The following IDH3G variants were observed in gnomAD, a reference collection of about 807,000 sequenced individuals.
IDH3G encodes the protein isocitrate dehydrogenase (NAD(+)) 3 non-catalytic subunit gamma.
IDH3G carries 9 observed loss-of-function variants against 26.9 expected under a neutral mutation model. The ratio of observed to expected loss-of-function variants is 0.34; its 90% CI spans 0.20 to 0.58. IDH3G has a LOEUF of 0.58. Among genes scored for constraint, IDH3G ranks in the 20% least tolerant of loss-of-function variants. The pLI, the probability that IDH3G is intolerant of heterozygous loss-of-function variation, is 0.85. For missense variants in IDH3G, 250 were observed against 372.8 expected, an observed-to-expected ratio of 0.67 and a Z score of 2.71; for synonymous variants, 181 against 160.0, an observed-to-expected ratio of 1.13 and a Z score of -0.99.
At position 153,786,222 on chromosome X, in the gene IDH3G, T is replaced by C; in HGVS notation, c.1070A>G (p.Asp357Gly). ...SIRKAVLASMDNENMHTPDIG... is the reference protein window; with the variant it reads ...SIRKAVLASMGNENMHTPDIG... The stretch of plus-strand genomic sequence containing the variant: ...CGAGGGGAACCTCACATTCTCATTG[T>C]CCATGGATGCCAGGACAGCCTTACG... The change falls in exon 12 of 13, where the codon GAC becomes GGC. Residue 357 changes from aspartate (D) to glycine (G), a missense_variant. Asp to Gly is a moderately conservative substitution (Grantham distance 94). Coordinates refer to ENST00000217901, the MANE Select transcript of IDH3G (RefSeq NM_004135.4). 1 of 1,209,089 alleles carries C rather than the reference T, an allele frequency of 8.3e-7. No homozygotes were observed. Among genetic ancestry groups the C allele is most frequent in the South Asian group, 1.8e-5 (1 of 56,721 alleles).
At chrX:153,786,069 G>A in intron 12 of IDH3G, 96 bp from the exon 13 acceptor site, 1 of 1,203,349 alleles carries the variant, frequency 8.3e-7, no homozygotes. Flanking sequence ...GGAGGGAAGT[G>A]GCACCAGCTA....
Position 153,786,196 on chromosome X carries a change from G to T in IDH3G, c.1080+16C>A. Reference sequence around the variant, plus strand: ...ACTGGGCGGGGCAGCAGGGTAGGGTGCGAGGGGAACCTCACATTCTCATTG... The same window carrying T: ...ACTGGGCGGGGCAGCAGGGTAGGGTTCGAGGGGAACCTCACATTCTCATTG... On this transcript the variant is annotated intron_variant, in intron 12 of 12. Transcript: ENST00000217901. 1 of 1,208,835 alleles carries T rather than the reference G, an allele frequency of 8.3e-7. No individual in the cohort carries two copies. Among genetic ancestry groups the T allele is most frequent in the Non-Finnish European group, 1.1e-6 (1 of 893,368 alleles).
Position 153,786,301 on chromosome X carries a change from C to T in IDH3G, c.1020-29G>A, listed in dbSNP as rs192900673. ...GAGGATGGGACAGCCAGCCTTCAGT[C>T]CCTGGGGCCCGGAGGGCTGGCCAGG... On this transcript the variant is annotated intron_variant, in intron 11 of 12. Coordinates refer to ENST00000217901, the MANE Select transcript of IDH3G (RefSeq NM_004135.4). 93 of 1,202,348 alleles carry T rather than the reference C, an allele frequency of 7.7e-5. No homozygotes were observed. In the African/African-American group the frequency reaches 1.4e-3, roughly 18 times the overall value.
intron 4 of IDH3G, 22 bp downstream of exon 4, chrX:153,790,173 C>T (rs997065627): frequency 1.1e-5 from 13 of 1,163,634 alleles, no homozygotes; most frequent in African/African-American, 3.5e-5. Flanking sequence ...GAGGACAAGG[C>T]GGGGACCCAG....
At chrX:153,786,981 G>A (rs782612831) in intron 9 of IDH3G, 34 bp from the exon 10 acceptor site, 3 of 1,203,383 alleles carry the variant, frequency 2.5e-6, no homozygotes, top group African/African-American at 1.7e-5. Flanking sequence ...CTGAGGAGCA[G>A]ATTCGGAAGC....
intron 12 of IDH3G, 44 bp downstream of exon 12, chrX:153,786,168 G>A: frequency 8.3e-7 from 1 of 1,206,254 alleles, no homozygotes. Context: ...GCTGCAGGGG[G>A]AGACTGGGCG....
chrX:153,787,012 G>A lies in IDH3G; in HGVS notation c.777+39C>T, dbSNP rs375296509. The A allele has an allele frequency of 6.8e-4, 805 of 1,191,076 alleles. 2 individuals carry two copies. Among genetic ancestry groups the A allele is most frequent in the Middle Eastern group, 4.9e-3 (21 of 4,285 alleles). On this transcript the variant is annotated intron_variant, in intron 9 of 12. Transcript: ENST00000217901. ...GAAGCATGGGTGAGAGAAGCCCAGG[G>A]CACTCAGGGCAGGGGGACAGCACTG...
At chrX:153,790,949 C>A in intron 1 of IDH3G, 98 bp from the exon 2 acceptor site, 1 of 783,695 alleles carries the variant, frequency 1.3e-6, no homozygotes, top group Non-Finnish European at 1.9e-6. Context: ...CAGGCAGGTC[C>A]CCTGTCTGTG....
At position 153,790,324 on chromosome X, in the gene IDH3G, C is replaced by T. The variant is rs781898768; in HGVS notation, c.136-32G>A. On this transcript the variant is annotated intron_variant, in intron 3 of 12. Transcript: ENST00000217901. ...GAGGCAGAGGGTGAAGGTGGGCCTTCGGGGATCCCACATGCCCCCAGCTCG... is the reference window on the plus strand; with the variant it reads ...GAGGCAGAGGGTGAAGGTGGGCCTTTGGGGATCCCACATGCCCCCAGCTCG... 5.3e-6 allele frequency: 6 copies of T among 1,122,676 alleles called. No homozygotes were observed. In the African/African-American group the frequency reaches 1.1e-4, roughly 20 times the overall value. 92.5% of individuals were successfully genotyped at this position (1,122,676 alleles called of 1,213,427 possible). A position where few individuals can be genotyped will look rare whatever the true frequency, so the allele number is the denominator to read the frequency against.
At chrX:153,793,961 C>A in intron 1 of IDH3G, 1 of 260,432 alleles carries the variant, frequency 3.8e-6, no homozygotes, top group Non-Finnish European at 6.9e-6. Flanking sequence ...CAGAAGGGCT[C>A]CTTCAAGGAC....
intron 10 of IDH3G, among the ~76,000 whole-genome samples, 175 bp from the exon 11 acceptor site, chrX:153,786,624 G>A (rs782707620): frequency 2.7e-5 from 3 of 112,549 alleles, no homozygotes; most frequent in South Asian, 3.6e-4. Flanking sequence ...GGCTTTCCTC[G>A]TGGGGTGGTG....
At chrX:153,790,725 A>AGG (rs1251269162) in intron 2 of IDH3G, 85 bp downstream of exon 2, 3 of 1,097,781 alleles carry the variant, frequency 2.7e-6, no homozygotes, top group African/African-American at 1.8e-5. Flanking sequence ...CACGTCTCAG[A>AGG]GGACAGGACA....
Position 153,785,946 on chromosome X carries a change from C to T in IDH3G, c.1108G>A (p.Gly370Ser). 8.3e-7 allele frequency: 1 copy of T among 1,211,241 alleles called. No individual in the cohort carries two copies. The highest frequency in any genetic ancestry group is 1.1e-6 in the Non-Finnish European group (1 of 895,461). ...TCCTGGATGGCTTCAGATGTTGTGC[C>T]CTGGCCCCCGATGTCCGGAGTGTGC... Reference protein sequence around the residue: ...NMHTPDIGGQGTTSEAIQDVI... With the variant: ...NMHTPDIGGQSTTSEAIQDVI... Residue 370 changes from glycine to serine, a missense_variant, in exon 13 of 13, where the codon GGC (glycine) becomes AGC (serine). This residue lies in a region of IDH3G where 201 missense variants were observed against 331.3 expected (regional missense o/e 0.61). Coordinates refer to ENST00000217901, the MANE Select transcript of IDH3G (RefSeq NM_004135.4).
chrX:153,794,186 G>A lies in IDH3G; in HGVS notation c.81+60C>T, dbSNP rs782216521. ...TCGGACTCCAGACTGCTTCGGGTGCGGCTACCCCACCGCTCCCCTGCGACC... is the reference window on the plus strand; with the variant it reads ...TCGGACTCCAGACTGCTTCGGGTGCAGCTACCCCACCGCTCCCCTGCGACC... On this transcript the variant is annotated intron_variant, in intron 1 of 12. Coordinates refer to ENST00000217901, the MANE Select transcript of IDH3G (RefSeq NM_004135.4). The A allele has an allele frequency of 1.5e-5, 17 of 1,116,460 alleles. No individual in the cohort carries two copies. The Admixed American group carries it at 3.6e-4, about 23-fold the overall frequency. The allele number at this position is 1,116,460 out of a possible 1,213,427, so 92.0% of individuals were successfully genotyped here. A position where few individuals can be genotyped will look rare whatever the true frequency, so the allele number is the denominator to read the frequency against.
At chrX:153,790,753 C>G in intron 2 of IDH3G, 57 bp downstream of exon 2, 1 of 1,141,900 alleles carries the variant, frequency 8.8e-7, no homozygotes, top group Non-Finnish European at 1.2e-6. Context: ...TGCACACACG[C>G]GCACAATTGC....
intron 3 of IDH3G, 133 bp from the exon 4 acceptor site, chrX:153,790,425 A>T (rs2092105074): frequency 2.3e-6 from 2 of 878,572 alleles, no homozygotes; most frequent in Non-Finnish European, 3.3e-6. Flanking sequence ...CAAGGTGCCA[A>T]CTTGGGGCAG....
intron 1 of IDH3G, 69 bp from the exon 2 acceptor site, chrX:153,790,920 G>C: frequency 9.7e-7 from 1 of 1,028,378 alleles, no homozygotes; most frequent in Non-Finnish European, 1.4e-6. Context: ...AAGGAAAAAC[G>C]GACCGTCCCC....
intron 6 of IDH3G, 45 bp from the exon 7 acceptor site, chrX:153,788,000 T>C: frequency 9.1e-6 from 11 of 1,210,186 alleles, no homozygotes; most frequent in Non-Finnish European, 7.8e-6. Flanking sequence ...GACAGGTGGC[T>C]GACTGGAGCC....
intron 5 of IDH3G, among the ~76,000 whole-genome samples, chrX:153,788,831 A>C (rs782272105): frequency 1.8e-5 from 2 of 112,935 alleles, no homozygotes; most frequent in East Asian, 5.6e-4. Context: ...AGTGCAAGTA[A>C]TGGGCTGAGT....
Sources: allele counts gnomAD v4.1 joint callset (sites outside exome capture counted in the v4.1 genomes callset), GRCh38; gene constraint gnomAD v4.1.1; regional missense constraint gnomAD v4.1.1; transcripts MANE v1.5; gene names NCBI Gene and HGNC (gene_info 2026-07-23, HGNC 2026-07-21).